POLR3B: variants seen among roughly 807,000 people sequenced by gnomAD.
POLR3B encodes RNA polymerase III subunit B, also known as DNA-directed RNA polymerase III subunit RPC2.
POLR3B carries 96 observed loss-of-function variants against 147.4 expected under a neutral mutation model. The ratio of observed to expected loss-of-function variants is 0.65; its 90% confidence interval spans 0.55 to 0.77. POLR3B has a LOEUF of 0.77. Among genes scored for constraint, POLR3B ranks in the 30% least tolerant of loss-of-function variants. The pLI is 0.00. For missense variants in POLR3B, 1,036 were observed against 1,413.5 expected (o/e 0.73, Z 4.28); for synonymous variants, 461 against 485.9 (o/e 0.95, Z 0.67).
At position 106,357,778 on chromosome 12, in the gene POLR3B, T is replaced by C. The variant is rs2036404715; in HGVS notation, c.-102T>C. 1 of 1,175,630 alleles carries C rather than the reference T, an allele frequency of 8.5e-7. No homozygotes were observed. Among genetic ancestry groups the C allele is most frequent in the South Asian group, 1.3e-5 (1 of 76,516 alleles). The allele number at this position is 1,175,630 out of a possible 1,614,324, so 72.8% of individuals were successfully genotyped here. On this transcript the variant is annotated 5_prime_UTR_variant, in exon 1 of 28. Coordinates refer to ENST00000228347, the MANE Select transcript of POLR3B (RefSeq NM_018082.6). The stretch of plus-strand genomic sequence containing the variant: ...TAGCTAACACGCACGGCGGGGACAG[T>C]TTAGGCCTCCGCGCACCGTTCGCCG...
intron 23 of POLR3B, among the ~76,000 whole-genome samples, chr12:106,490,584 A>G (rs1046507492): frequency 6.6e-6 from 1 of 152,220 alleles, no homozygotes; most frequent in Non-Finnish European, 1.5e-5. Flanking sequence ...AAATGATTCA[A>G]CAACAGAACA....
chr12:106,506,022 G>T (rs1477608598), intron 27 of POLR3B, among the ~76,000 whole-genome samples: 1 of 152,190 alleles, frequency 6.6e-6, no homozygotes, highest in Non-Finnish European at 1.5e-5. Flanking sequence ...TAACAGAAGA[G>T]GTGGCCATTT....
In POLR3B at chr12:106,497,759, G is replaced by A. The variant is rs117500525; in HGVS notation, c.2984+841G>A. ...TGGTCCCAGTTCTATGGAGCTGACCGTTTAGGTGTGTTGCTAGACATTAAA... is the reference window on the plus strand; with the variant it reads ...TGGTCCCAGTTCTATGGAGCTGACCATTTAGGTGTGTTGCTAGACATTAAA... On this transcript the variant is annotated intron_variant, in intron 25 of 27. Coordinates refer to ENST00000228347, the MANE Select transcript of POLR3B (RefSeq NM_018082.6). Among the ~76,000 whole-genome samples the A allele has an allele frequency of 1.1e-3, 164 of 152,306 alleles. 1 individual carries two copies. The East Asian group carries it at 0.021, about 20-fold the overall frequency.
intron 18 of POLR3B, among the ~76,000 whole-genome samples, chr12:106,440,804 A>G (rs987555992): frequency 2.0e-5 from 3 of 150,322 alleles, no homozygotes; most frequent in African/African-American, 4.9e-5. Context: ...TGTATTGTCT[A>G]TCTTCCCTCA....
chr12:106,411,178 G>A (rs781708226), intron 12 of POLR3B, among the ~76,000 whole-genome samples: 1 of 151,330 alleles, frequency 6.6e-6, no homozygotes, highest in Non-Finnish European at 1.5e-5. Flanking sequence ...TGCTCTGGTT[G>A]CCCAGGCTGG....
chr12:106,396,221 G>A (rs1384593617), intron 10 of POLR3B, among the ~76,000 whole-genome samples: 1 of 152,114 alleles, frequency 6.6e-6, no homozygotes, highest in African/African-American at 2.4e-5. Context: ...TTTTCACAAG[G>A]AAACTAGAAG....
chr12:106,417,041 A>G (rs529316224), intron 12 of POLR3B, among the ~76,000 whole-genome samples: 2 of 152,240 alleles, frequency 1.3e-5, no homozygotes, highest in East Asian at 3.9e-4. Context: ...TAGGCCAGTA[A>G]CAGTTTATTC....
chr12:106,481,066 A>G (rs1648139251), intron 23 of POLR3B, among the ~76,000 whole-genome samples: 1 of 152,216 alleles, frequency 6.6e-6, no homozygotes, highest in Non-Finnish European at 1.5e-5. Flanking sequence ...TTGCAGCTGT[A>G]GCTCACCTAA....
intron 9 of POLR3B, among the ~76,000 whole-genome samples, chr12:106,383,489 C>A (rs1427661218): frequency 1.3e-5 from 2 of 152,020 alleles, no homozygotes; most frequent in East Asian, 3.9e-4. Context: ...ACTTAAGAAG[C>A]CATTCTTGGG....
chr12:106,507,137 A>G (rs1426454186), intron 27 of POLR3B, among the ~76,000 whole-genome samples: 2 of 152,174 alleles, frequency 1.3e-5, no homozygotes, highest in African/African-American at 2.4e-5. Context: ...GAAAATCCCT[A>G]TTAAGGTAAT....
intron 9 of POLR3B, among the ~76,000 whole-genome samples, chr12:106,384,945 C>A (rs1429877795): frequency 6.6e-6 from 1 of 151,800 alleles, no homozygotes; most frequent in Non-Finnish European, 1.5e-5. Flanking sequence ...CCTGCCTCAG[C>A]CTCCCAAGTA....
chr12:106,401,702 C>A lies in POLR3B; in HGVS notation c.847-4155C>A, dbSNP rs1044366556. 9.2e-5 allele frequency among the ~76,000 whole-genome samples: 14 copies of A among 152,196 alleles called. 1 individual carries two copies. Among genetic ancestry groups the A allele is most frequent in the South Asian group, 6.2e-4 (3 of 4,820 alleles). On this transcript the variant is annotated intron_variant, in intron 10 of 27. Coordinates refer to ENST00000228347, the MANE Select transcript of POLR3B (RefSeq NM_018082.6). ...TAATCCAGCATATAAACAGAACCAA[C>A]GACAAAAACCACATGATTATCTCAA...
chr12:106,399,723 AAC>A (rs1397583972), intron 10 of POLR3B, among the ~76,000 whole-genome samples: 2 of 152,202 alleles, frequency 1.3e-5, no homozygotes, highest in Admixed American at 6.5e-5. Context: ...TATCCAGCCA[AAC>A]TAAGCTTCAT....
intron 23 of POLR3B, among the ~76,000 whole-genome samples, chr12:106,473,189 T>C (rs2038117837): frequency 2.0e-5 from 1 of 49,198 alleles, no homozygotes; most frequent in Non-Finnish European, 3.6e-5. Flanking sequence ...TGCGGCGTTA[T>C]TTCTGAGGGC....
intron 9 of POLR3B, among the ~76,000 whole-genome samples, chr12:106,388,237 T>G (rs1191511795): frequency 6.6e-6 from 1 of 152,152 alleles, no homozygotes; most frequent in Non-Finnish European, 1.5e-5. Flanking sequence ...ATGGCATCTG[T>G]AGTTTGAAAG....
intron 1 of POLR3B, among the ~76,000 whole-genome samples, chr12:106,358,713 G>T (rs1407489384): frequency 2.6e-5 from 4 of 152,168 alleles, no homozygotes; most frequent in Non-Finnish European, 1.5e-5. Flanking sequence ...AAACCTCCTC[G>T]GCAAGACCAT....
intron 26 of POLR3B, among the ~76,000 whole-genome samples, chr12:106,502,643 G>A (rs2038619826): frequency 6.6e-6 from 1 of 152,102 alleles, no homozygotes; most frequent in South Asian, 2.1e-4. Flanking sequence ...AGGGAGAGGT[G>A]TAGTTGACTC....
At chr12:106,375,689 T>C (rs2036668113) in intron 6 of POLR3B, among the ~76,000 whole-genome samples, 1 of 152,230 alleles carries the variant, frequency 6.6e-6, no homozygotes, top group East Asian at 1.9e-4. Context: ...TTTTCCAGAC[T>C]GCCTGGTTAG....
At chr12:106,502,509 G>C (rs926773609) in intron 26 of POLR3B, among the ~76,000 whole-genome samples, 2 of 152,192 alleles carry the variant, frequency 1.3e-5, no homozygotes, top group African/African-American at 2.4e-5. Context: ...CCCATCCACA[G>C]GTGGCATCAG....
Sources: allele counts gnomAD v4.1 joint callset (sites outside exome capture counted in the v4.1 genomes callset), GRCh38; gene constraint gnomAD v4.1.1; transcripts MANE v1.5; gene names NCBI Gene and HGNC (gene_info 2026-07-23, HGNC 2026-07-21).